CSMD1: variants seen among roughly 807,000 people sequenced by gnomAD.
CSMD1 encodes CUB and Sushi multiple domains 1.
CSMD1 carries 213 observed loss-of-function variants against 417.5 expected under a neutral mutation model. The ratio of observed to expected loss-of-function variants is 0.51; its 90% CI spans 0.46 to 0.57. The LOEUF (loss-of-function observed/expected upper bound fraction) is 0.57, where lower values mean the gene tolerates loss of function less well. Ranked by LOEUF, CSMD1 falls within the 20% of genes least tolerant of loss-of-function variation. The probability of loss-of-function intolerance (pLI) is 0.00; values close to 1 mark genes in which losing one functional copy is unlikely to be tolerated. For synonymous variants in CSMD1, 2,862 were observed against 1,736.8 expected (o/e 1.65, Z -16.11); for missense variants, 6,923 against 4,529.7 (o/e 1.53, Z -15.17).
intron 4 of CSMD1, among the ~76,000 whole-genome samples, chr8:4,019,582 G>C (rs1340057378): frequency 6.6e-6 from 1 of 152,118 alleles, no homozygotes; most frequent in Non-Finnish European, 1.5e-5. Context: ...TTTACGGTCT[G>C]CTCTTGCTGG....
At chr8:2,973,664 GAA>G (rs72080091) in intron 56 of CSMD1, among the ~76,000 whole-genome samples, 103 of 147,710 alleles carry the variant, frequency 7.0e-4, no homozygotes, top group Middle Eastern at 7.4e-3. Context: ...GGAATGTGGG[GAA>G]AAAAAAAAAA....
chr8:3,379,104 T>C (rs577839508), intron 18 of CSMD1, among the ~76,000 whole-genome samples: 165 of 152,120 alleles, frequency 1.1e-3, no homozygotes, highest in African/African-American at 3.3e-3. Context: ...ACATAAATAA[T>C]AGACAAACAG....
At chr8:4,912,457 G>A (rs772152554) in intron 1 of CSMD1, among the ~76,000 whole-genome samples, 1 of 151,970 alleles carries the variant, frequency 6.6e-6, no homozygotes, top group Non-Finnish European at 1.5e-5. Context: ...AGGTGAAAAC[G>A]GGAGGAGAGC....
chr8:4,025,768 GTT>G (rs1797032591), intron 4 of CSMD1, among the ~76,000 whole-genome samples: 1 of 152,106 alleles, frequency 6.6e-6, no homozygotes, highest in Non-Finnish European at 1.5e-5. Flanking sequence ...TTTGTTCCCT[GTT>G]TAAGGGACAC....
chr8:4,302,592 C>G (rs539357777), intron 3 of CSMD1, among the ~76,000 whole-genome samples: 2 of 152,204 alleles, frequency 1.3e-5, no homozygotes, highest in Middle Eastern at 3.4e-3. Context: ...GATAATGCAC[C>G]GTAAGGGGAT....
chr8:4,291,075 CTGTTT>C (rs1379330448), intron 3 of CSMD1, among the ~76,000 whole-genome samples: 3 of 152,066 alleles, frequency 2.0e-5, no homozygotes, highest in South Asian at 2.1e-4. Flanking sequence ...ATGGAATTTC[CTGTTT>C]TATTTTGTGT....
rs573381726 is a variant in CSMD1 at position 4,821,752 on chromosome 8, T to G, written c.85+172580A>C. ...GATGTTCTTGTGTTATAAGTGATGT[T>G]ACCTTTCCTAACACTATATTGATGT... On this transcript the variant is annotated intron_variant, in intron 1 of 69. Transcript: ENST00000635120. Among the ~76,000 whole-genome samples, 28 of 152,234 alleles carry G rather than the reference T, an allele frequency of 1.8e-4. No homozygotes were observed. In the East Asian group the frequency reaches 2.7e-3, roughly 15 times the overall value.
At chr8:4,135,978 C>A (rs949482702) in intron 3 of CSMD1, among the ~76,000 whole-genome samples, 1 of 152,006 alleles carries the variant, frequency 6.6e-6, no homozygotes, top group African/African-American at 2.4e-5. Flanking sequence ...TGTGGAAGTC[C>A]TAGTCATTTT....
chr8:4,956,027 T>C (rs1809086280), intron 1 of CSMD1, among the ~76,000 whole-genome samples: 1 of 152,206 alleles, frequency 6.6e-6, no homozygotes, highest in Non-Finnish European at 1.5e-5. Context: ...ACTGCTCCAG[T>C]CACGTGCTCA....
At chr8:3,991,471 G>C (rs550347314) in intron 5 of CSMD1, among the ~76,000 whole-genome samples, 1 of 152,244 alleles carries the variant, frequency 6.6e-6, no homozygotes, top group South Asian at 2.1e-4. Context: ...TTAGAAGCCT[G>C]ATAATATCTA....
intron 10 of CSMD1, among the ~76,000 whole-genome samples, chr8:3,565,131 CAAAAAAAAAAAAAAAAA>C (rs869248314): frequency 4.8e-4 from 5 of 10,448 alleles, no homozygotes; most frequent in Non-Finnish European, 5.6e-4. Flanking sequence ...TGCAAGACAG[CAAAAAAAAAAAAAAAAA>C]AAAAAAAAAA....
intron 23 of CSMD1, among the ~76,000 whole-genome samples, chr8:3,333,156 C>A (rs941285691): frequency 6.6e-6 from 1 of 152,258 alleles, no homozygotes; most frequent in Non-Finnish European, 1.5e-5. Flanking sequence ...TGCTGACAGC[C>A]TGAAGAGGCC....
chr8:3,965,076 C>T (rs1301974471), intron 5 of CSMD1, among the ~76,000 whole-genome samples: 1 of 152,144 alleles, frequency 6.6e-6, no homozygotes, highest in Non-Finnish European at 1.5e-5. Flanking sequence ...AAAGCACTCG[C>T]CGCAGTAGCT....
At chr8:4,729,028 C>A (rs900928283) in intron 1 of CSMD1, among the ~76,000 whole-genome samples, 9 of 151,916 alleles carry the variant, frequency 5.9e-5, no homozygotes, top group Middle Eastern at 3.2e-3. Context: ...AGTATACAGA[C>A]GGAAAGAGAT....
chr8:3,642,746 A>G (rs1225812026), intron 7 of CSMD1, among the ~76,000 whole-genome samples: 1 of 152,186 alleles, frequency 6.6e-6, no homozygotes, highest in Non-Finnish European at 1.5e-5. Flanking sequence ...AGAAAACACG[A>G]GTATGGAACA....
At chr8:4,569,455 G>A (rs1472695798) in intron 2 of CSMD1, among the ~76,000 whole-genome samples, 3 of 152,136 alleles carry the variant, frequency 2.0e-5, no homozygotes, top group African/African-American at 7.2e-5. Context: ...GATGGTTGTA[G>A]ATGTGTGGTG....
At chr8:4,791,218 C>G (rs7000830) in intron 1 of CSMD1, among the ~76,000 whole-genome samples, 146,901 of 152,222 alleles carry the variant, frequency 0.97, 71,036 homozygotes, top group East Asian at 1. Context: ...GTGGAAGAAG[C>G]AGAGGCAGAA....
chr8:3,310,087 G>A (rs1043201993), intron 23 of CSMD1, among the ~76,000 whole-genome samples: 7 of 152,286 alleles, frequency 4.6e-5, no homozygotes, highest in African/African-American at 1.7e-4. Flanking sequence ...AAAGGGATAT[G>A]CTAAATGTCC....
chr8:4,911,845 C>A (rs1338212180), intron 1 of CSMD1, among the ~76,000 whole-genome samples: 1 of 151,908 alleles, frequency 6.6e-6, no homozygotes, highest in Non-Finnish European at 1.5e-5. Context: ...CATTTCTCTC[C>A]AAATAAATTT....
Sources: gnomAD v4.1 joint callset for allele counts (sites outside exome capture counted in the v4.1 genomes callset) on GRCh38, gnomAD v4.1.1 for gene constraint, MANE v1.5 for transcripts, NCBI Gene and HGNC (gene_info 2026-07-23, HGNC 2026-07-21) for gene names.